The following PPAT variants were observed in gnomAD, a reference collection of about 807,000 sequenced individuals.
PPAT encodes phosphoribosyl pyrophosphate amidotransferase.
A neutral mutation model predicts 60.2 loss-of-function variants in PPAT; 20 were observed. The observed-to-expected ratio is 0.33, with a 90% CI of 0.23 to 0.48. The LOEUF is 0.48. PPAT is among the 20% of genes least tolerant of loss of function. PPAT has a pLI of 0.99. For synonymous variants in PPAT, 194 were observed against 215.1 expected, an observed-to-expected ratio of 0.90 and a Z score of 0.86; for missense variants, 349 against 629.6, an observed-to-expected ratio of 0.55 and a Z score of 4.77.
chr4:56,416,577 A>C (rs1745371234), intron 1 of PPAT: 1 of 152,500 alleles, frequency 6.6e-6, no homozygotes, highest in Admixed American at 6.6e-5. Context: ...GCCAACCCAC[A>C]CTGAAAAAAA....
chr4:56,395,626 C>A, intron 10 of PPAT, 78 bp from the exon 11 acceptor site: 11 of 943,348 alleles, frequency 1.2e-5, no homozygotes, highest in Non-Finnish European at 1.4e-5. Flanking sequence ...AGAATAGTTA[C>A]AAACAGAATA....
intron 1 of PPAT, among the ~76,000 whole-genome samples, chr4:56,417,893 T>G (rs1404166434): frequency 6.7e-6 from 1 of 148,884 alleles, no homozygotes; most frequent in Non-Finnish European, 1.5e-5. Flanking sequence ...CAGGCTAGAG[T>G]GCAGTGGTGC....
chr4:56,404,722 A>G (rs1056750525), intron 3 of PPAT, among the ~76,000 whole-genome samples: 1 of 152,084 alleles, frequency 6.6e-6, no homozygotes, highest in African/African-American at 2.4e-5. Flanking sequence ...TCATTTGGGG[A>G]CAGAAAAGCA....
chr4:56,421,221 T>A (rs1717022639), intron 1 of PPAT: 1 of 154,640 alleles, frequency 6.5e-6, no homozygotes, highest in Non-Finnish European at 1.4e-5. Context: ...TATGAGAATC[T>A]AATGCCTGAT....
intron 9 of PPAT, among the ~76,000 whole-genome samples, chr4:56,398,758 GTAGT>G (rs111679316): frequency 2.0e-5 from 3 of 151,998 alleles, no homozygotes; most frequent in East Asian, 1.9e-4. Flanking sequence ...CCTATTTTGT[GTAGT>G]TAGTCTTTGA....
chr4:56,425,802 T>C (rs1047552352), intron 1 of PPAT, among the ~76,000 whole-genome samples: 2 of 152,174 alleles, frequency 1.3e-5, no homozygotes, highest in Non-Finnish European at 2.9e-5. Context: ...AGTTCCATCT[T>C]GCAGCCAATG....
At chr4:56,428,233 T>C (rs773329985) in intron 1 of PPAT, among the ~76,000 whole-genome samples, 1 of 152,248 alleles carries the variant, frequency 6.6e-6, no homozygotes, top group Non-Finnish European at 1.5e-5. Flanking sequence ...TTATAAATCA[T>C]GTTGATTTGT....
chr4:56,414,730 AAT>A (rs1475387378), intron 1 of PPAT, among the ~76,000 whole-genome samples: 2 of 152,222 alleles, frequency 1.3e-5, no homozygotes, highest in Non-Finnish European at 2.9e-5. Context: ...TAAACCAGGT[AAT>A]AGAATAGAAA....
Position 56,406,569 on chromosome 4 carries a change from C to A in PPAT, c.328G>T (p.Val110Phe). Residue 110 changes from valine to phenylalanine, a missense_variant, in exon 3 of 11, where the codon GTT becomes TTT. Coordinates refer to ENST00000264220, the MANE Select transcript of PPAT (RefSeq NM_002703.5). ...GCTATCTTCCCATGAAGTGTTTCAACAACGAAGGGCTGACAATTTTCTAGT... is the reference window on the plus strand; with the variant it reads ...GCTATCTTCCCATGAAGTGTTTCAAAAACGAAGGGCTGACAATTTTCTAGT... Reference protein sequence around the residue: ...CELENCQPFVVETLHGKIAVA... With the variant: ...CELENCQPFVFETLHGKIAVA... The A allele has an allele frequency of 1.2e-6, 2 of 1,613,714 alleles. No homozygotes were observed. Among genetic ancestry groups the A allele is most frequent in the South Asian group, 2.2e-5 (2 of 91,064 alleles).
chr4:56,430,091 C>CA (rs1295845812), intron 1 of PPAT, among the ~76,000 whole-genome samples: 2 of 152,208 alleles, frequency 1.3e-5, no homozygotes, highest in African/African-American at 2.4e-5. Context: ...TGAAACCCCC[C>CA]ATCTCAATAT....
intron 9 of PPAT, among the ~76,000 whole-genome samples, chr4:56,398,816 T>A (rs936158745): frequency 1.3e-5 from 2 of 152,058 alleles, no homozygotes; most frequent in Admixed American, 1.3e-4. Flanking sequence ...TTTAATTTTA[T>A]TATTATCTTT....
intron 1 of PPAT, among the ~76,000 whole-genome samples, chr4:56,432,992 G>A (rs1033341899): frequency 5.1e-5 from 7 of 137,332 alleles, no homozygotes; most frequent in African/African-American, 1.7e-4. Flanking sequence ...ATACACACAC[G>A]TATTTTATAT....
chr4:56,410,375 C>T (rs1716385671), intron 1 of PPAT: 1 of 199,934 alleles, frequency 5.0e-6, no homozygotes, highest in East Asian at 1.9e-4. Context: ...GGCAGTTTCT[C>T]AAGTTACTCC....
At chr4:56,404,419 C>A (rs1052915539) in intron 3 of PPAT, among the ~76,000 whole-genome samples, 1 of 152,198 alleles carries the variant, frequency 6.6e-6, no homozygotes, top group Non-Finnish European at 1.5e-5. Context: ...TGAAATGTAG[C>A]AGATGTAATA....
chr4:56,419,545 T>C (rs2110056467), intron 1 of PPAT: 1 of 387,268 alleles, frequency 2.6e-6, no homozygotes, highest in Non-Finnish European at 3.5e-6. Context: ...TTTAATAATG[T>C]TGCATCCAAT....
intron 7 of PPAT, among the ~76,000 whole-genome samples, 198 bp downstream of exon 7, chr4:56,401,132 C>T (rs1008775183): frequency 1.3e-5 from 2 of 151,880 alleles, no homozygotes; most frequent in African/African-American, 4.8e-5. Context: ...ATCCTTACTC[C>T]TAACAAAAAA....
chr4:56,431,043 C>T (rs13146014), intron 1 of PPAT, among the ~76,000 whole-genome samples: 4 of 151,630 alleles, frequency 2.6e-5, no homozygotes, highest in African/African-American at 9.7e-5. Context: ...TATTTTAAAG[C>T]AAGAATCACT....
At chr4:56,424,244 C>T (rs1717180762) in intron 1 of PPAT, among the ~76,000 whole-genome samples, 1 of 152,214 alleles carries the variant, frequency 6.6e-6, no homozygotes, top group East Asian at 1.9e-4. Context: ...AATCCAGCTA[C>T]AGCTGTAGAC....
chr4:56,428,541 T>C (rs553825188), intron 1 of PPAT, among the ~76,000 whole-genome samples: 16 of 151,278 alleles, frequency 1.1e-4, no homozygotes, highest in Non-Finnish European at 2.2e-4. Flanking sequence ...CCAAGAAAAA[T>C]GAGATTTTAT....
Sources: allele counts gnomAD v4.1 joint callset (sites outside exome capture counted in the v4.1 genomes callset), GRCh38; gene constraint gnomAD v4.1.1; transcripts MANE v1.5; gene names NCBI Gene and HGNC (gene_info 2026-07-23, HGNC 2026-07-21).